Variants in PLCG2 observed in about 807,000 individuals in gnomAD.
PLCG2 encodes 1-phosphatidylinositol 4,5-bisphosphate phosphodiesterase gamma-2.
PLCG2 carries 69 observed loss-of-function variants against 175.6 expected under a neutral mutation model. That is an observed-to-expected ratio of 0.39 (90% CI 0.32 to 0.48). PLCG2 has a LOEUF of 0.48. PLCG2 is among the 20% of genes least tolerant of loss of function. The probability of loss-of-function intolerance (pLI) is 0.91; values close to 1 mark genes in which losing one functional copy is unlikely to be tolerated. For missense variants in PLCG2, 1,798 were observed against 1,650.9 expected, an observed-to-expected ratio of 1.09 and a Z score of -1.54; for synonymous variants, 827 against 624.0, an observed-to-expected ratio of 1.33 and a Z score of -4.85.
intron 24 of PLCG2, among the ~76,000 whole-genome samples, chr16:81,929,556 T>G (rs1910416414): frequency 6.6e-6 from 1 of 152,122 alleles, no homozygotes; most frequent in African/African-American, 2.4e-5. Flanking sequence ...CCACCGTGCC[T>G]GGCTAATTTT....
chr16:81,832,422 C>G (rs887449966), intron 2 of PLCG2, among the ~76,000 whole-genome samples: 1 of 152,230 alleles, frequency 6.6e-6, no homozygotes, highest in Non-Finnish European at 1.5e-5. Flanking sequence ...CACGATCTCA[C>G]TCTATCACCC....
intron 2 of PLCG2, among the ~76,000 whole-genome samples, chr16:81,823,396 C>A (rs1372808721): frequency 6.6e-6 from 1 of 152,168 alleles, no homozygotes; most frequent in Non-Finnish European, 1.5e-5. Context: ...AATGCTGCTC[C>A]CCACCCCTCG....
intron 2 of PLCG2, among the ~76,000 whole-genome samples, chr16:81,797,409 G>T (rs959236162): frequency 6.6e-6 from 1 of 152,236 alleles, no homozygotes; most frequent in African/African-American, 2.4e-5. Flanking sequence ...GTGCTGTGCA[G>T]TTTGGGGTTG....
At chr16:81,934,766 T>A (rs938610209) in intron 26 of PLCG2, among the ~76,000 whole-genome samples, 7 of 151,950 alleles carry the variant, frequency 4.6e-5, no homozygotes, top group Non-Finnish European at 8.8e-5. Context: ...GAGTAATTTA[T>A]AAGGAAAAAG....
intron 2 of PLCG2, among the ~76,000 whole-genome samples, chr16:81,837,449 C>CG (rs1277069922): frequency 6.6e-6 from 1 of 152,194 alleles, no homozygotes; most frequent in Middle Eastern, 3.2e-3. Flanking sequence ...TCTAGCTGGG[C>CG]GGGAAATAGG....
intron 2 of PLCG2, among the ~76,000 whole-genome samples, chr16:81,758,264 C>G (rs143353359): frequency 7.9e-4 from 121 of 152,316 alleles, no homozygotes; most frequent in African/African-American, 2.9e-3. Context: ...AGGTGTGAAC[C>G]CTCGTGCCCA....
chr16:81,746,257 C>A (rs1909702272), intron 1 of PLCG2, among the ~76,000 whole-genome samples: 1 of 152,350 alleles, frequency 6.6e-6, no homozygotes, highest in African/African-American at 2.4e-5. Flanking sequence ...ACTTCATCTA[C>A]TCGTGACACG....
chr16:81,919,875 C>T (rs1909991358), intron 20 of PLCG2, among the ~76,000 whole-genome samples: 1 of 152,122 alleles, frequency 6.6e-6, no homozygotes, highest in South Asian at 2.1e-4. Flanking sequence ...TTTAAAATAT[C>T]CATAGCATGT....
chr16:81,775,566 A>G (rs1910380657), upstream of PLCG2, among the ~76,000 whole-genome samples: 1 of 152,102 alleles, frequency 6.6e-6, no homozygotes, highest in Non-Finnish European at 1.5e-5. Context: ...TACATTTCTG[A>G]TACCCATAGG....
At chr16:81,879,492 A>C (rs541661136) in intron 7 of PLCG2, among the ~76,000 whole-genome samples, 1 of 152,200 alleles carries the variant, frequency 6.6e-6, no homozygotes, top group Non-Finnish European at 1.5e-5. Flanking sequence ...ACACACACCC[A>C]CACAAACTGA....
chr16:81,844,125 C>T (rs56724202), intron 2 of PLCG2, among the ~76,000 whole-genome samples: 3,140 of 147,948 alleles, frequency 0.021, 110 homozygotes, highest in African/African-American at 0.072. Context: ...TACAGGTGCC[C>T]GCCACCACAC....
At chr16:81,915,243 A>G (rs1036124597) in intron 19 of PLCG2, among the ~76,000 whole-genome samples, 5 of 152,146 alleles carry the variant, frequency 3.3e-5, no homozygotes, top group Non-Finnish European at 5.9e-5. Context: ...GTCTGCAGCA[A>G]CTTCTCCTTG....
chr16:81,808,902 C>T (rs1904294867), intron 2 of PLCG2, among the ~76,000 whole-genome samples: 1 of 152,194 alleles, frequency 6.6e-6, no homozygotes. Flanking sequence ...CCCATGAGAT[C>T]AGGGGAGACA....
chr16:81,778,051 A>AAC (rs1597311882), upstream of PLCG2, among the ~76,000 whole-genome samples: 60 of 79,162 alleles, frequency 7.6e-4, no homozygotes, highest in East Asian at 8.0e-3. Flanking sequence ...AACAAAAAAA[A>AAC]AAACAAAAAA....
chr16:81,836,654 T>A (rs1482195860), intron 2 of PLCG2, among the ~76,000 whole-genome samples: 7 of 152,146 alleles, frequency 4.6e-5, no homozygotes, highest in Non-Finnish European at 8.8e-5. Flanking sequence ...GGCAGGAGAA[T>A]CGCTTGAACT....
intron 10 of PLCG2, among the ~76,000 whole-genome samples, chr16:81,890,686 C>T (rs1412091675): frequency 1.3e-5 from 2 of 152,174 alleles, no homozygotes; most frequent in East Asian, 1.9e-4. Context: ...GAGCGACTGA[C>T]CCATATGAGG....
intron 7 of PLCG2, among the ~76,000 whole-genome samples, chr16:81,879,802 C>G (rs542130493): frequency 6.6e-6 from 1 of 152,146 alleles, no homozygotes; most frequent in Middle Eastern, 3.2e-3. Context: ...CAAGTAGAAG[C>G]TGGAGGGAGG....
chr16:81,748,387 C>A (rs1467616052), intron 1 of PLCG2, among the ~76,000 whole-genome samples: 1 of 150,266 alleles, frequency 6.7e-6, no homozygotes, highest in South Asian at 2.1e-4. Context: ...GAGACTTTGT[C>A]TCAAACTTAA....
chr16:81,764,114 GA>G (rs1910095326), intron 2 of PLCG2, among the ~76,000 whole-genome samples: 1 of 151,992 alleles, frequency 6.6e-6, no homozygotes, highest in South Asian at 2.1e-4. Flanking sequence ...GTAACATGGT[GA>G]GACCCCATTT....
Sources: gnomAD v4.1 joint callset for allele counts (sites outside exome capture counted in the v4.1 genomes callset) on GRCh38, gnomAD v4.1.1 for gene constraint, MANE v1.5 for transcripts, NCBI Gene and HGNC (gene_info 2026-07-23, HGNC 2026-07-21) for gene names.